LAMC3: variants seen among roughly 807,000 people sequenced by gnomAD.
LAMC3 encodes laminin subunit gamma-3.
A neutral mutation model predicts 173.8 loss-of-function variants in LAMC3; 128 were observed. The ratio of observed to expected loss-of-function variants is 0.74; its 90% CI spans 0.64 to 0.85. The LOEUF (loss-of-function observed/expected upper bound fraction) is 0.85. Ranked by LOEUF, LAMC3 falls within the 40% of genes least tolerant of loss-of-function variation. The pLI is 0.00. For synonymous variants in LAMC3, 897 were observed against 909.1 expected, an observed-to-expected ratio of 0.99 and a Z score of 0.24; for missense variants, 2,022 against 2,156.0, an observed-to-expected ratio of 0.94 and a Z score of 1.23.
intron 9 of LAMC3, among the ~76,000 whole-genome samples, chr9:131,051,983 A>G (rs1223038167): frequency 3.3e-5 from 5 of 152,310 alleles, no homozygotes; most frequent in Non-Finnish European, 7.3e-5. Context: ...TTCCGAGTTC[A>G]GGGCAAGTTC....
intron 24 of LAMC3, among the ~76,000 whole-genome samples, chr9:131,083,865 CTTTTTT>C (rs61109597): frequency 2.2e-4 from 11 of 49,258 alleles, no homozygotes; most frequent in African/African-American, 9.0e-4. Context: ...GTAATAAGTG[CTTTTTT>C]TTTTTTTTTT....
chr9:131,032,945 G>A (rs1200599444), intron 3 of LAMC3, among the ~76,000 whole-genome samples: 1 of 152,242 alleles, frequency 6.6e-6, no homozygotes, highest in African/African-American at 2.4e-5. Context: ...TGGGATTACA[G>A]GCATGAGCCA....
chr9:131,043,521 C>T (rs983117847), intron 7 of LAMC3, among the ~76,000 whole-genome samples: 12 of 152,070 alleles, frequency 7.9e-5, no homozygotes, highest in East Asian at 5.8e-4. Flanking sequence ...ACACAGGAGC[C>T]GACGTGAAAG....
chr9:131,067,200 G>C lies in LAMC3; in HGVS notation c.2588G>C (p.Cys863Ser). Reference sequence around the variant, plus strand: ...CTGGCCCCTCGACCCGCAGACAAATGCATGCGTGAGTACCTACCTCCAGAC... The same window carrying C: ...CTGGCCCCTCGACCCGCAGACAAATCCATGCGTGAGTACCTACCTCCAGAC... ...SALAPRPADK[C>S]MPCSCHPQGS... Residue 863 changes from cysteine to serine, a missense_variant, in exon 14 of 28, where the codon TGC (cysteine) becomes TCC (serine). By Grantham distance (112) the Cys-to-Ser change is moderately radical (BLOSUM62 -1). Coordinates refer to ENST00000361069, the MANE Select transcript of LAMC3 (RefSeq NM_006059.4). 6.2e-7 allele frequency: 1 copy of C among 1,613,166 alleles called. No homozygotes were observed.
intron 25 of LAMC3, 132 bp from the exon 26 acceptor site, chr9:131,087,344 T>C (rs1041337717): frequency 1.7e-6 from 2 of 1,157,872 alleles, no homozygotes; most frequent in Non-Finnish European, 2.6e-6. Context: ...ACATATTTGT[T>C]GCGTGCATGA....
chr9:131,074,611 G>A (rs529040028), intron 20 of LAMC3, among the ~76,000 whole-genome samples: 79 of 150,774 alleles, frequency 5.2e-4, no homozygotes, highest in African/African-American at 1.5e-3. Context: ...CAGGAGAATC[G>A]CTTGAACCTG....
chr9:131,048,620 C>T (rs192494364), intron 8 of LAMC3, among the ~76,000 whole-genome samples: 235 of 152,248 alleles, frequency 1.5e-3, no homozygotes, highest in African/African-American at 5.0e-3. Flanking sequence ...CCTGGGCTCC[C>T]GTCGTGGCTG....
chr9:131,082,194 A>G (rs2133344560), intron 24 of LAMC3, 33 bp downstream of exon 24: 6 of 1,512,848 alleles, frequency 4.0e-6, no homozygotes, highest in Non-Finnish European at 5.5e-6. Flanking sequence ...TAGGCTGTGT[A>G]ATGACGAACG....
At chr9:131,082,803 ACT>A (rs1276125834) in intron 24 of LAMC3, among the ~76,000 whole-genome samples, 1 of 152,084 alleles carries the variant, frequency 6.6e-6, no homozygotes. Flanking sequence ...GCAGGAACAC[ACT>A]CTGAACCCCA....
chr9:131,060,973 C>G (rs575688911), intron 12 of LAMC3, 62 bp from the exon 13 acceptor site: 1 of 1,560,004 alleles, frequency 6.4e-7, no homozygotes, highest in Non-Finnish European at 8.8e-7. Flanking sequence ...CCTCTCCCAC[C>G]GGGATGCCCA....
intron 2 of LAMC3, among the ~76,000 whole-genome samples, chr9:131,030,824 C>T (rs778861495): frequency 3.3e-5 from 5 of 152,210 alleles, no homozygotes; most frequent in African/African-American, 1.2e-4. Flanking sequence ...GTCCAGTAGC[C>T]GGCCCAGCAG....
In LAMC3 at chr9:131,026,172, T is replaced by C; in HGVS notation, c.374-113T>C. On this transcript the variant is annotated intron_variant, in intron 1 of 27. Coordinates refer to ENST00000361069, the MANE Select transcript of LAMC3 (RefSeq NM_006059.4). This position sits in a 1 kb window ranked among gnomAD's most constrained non-coding sequence, Gnocchi z 4.8. The stretch of plus-strand genomic sequence containing the variant: ...TCCCCTGTCCAGAGCTCCAGACAGC[T>C]TCCAGCGATCCATCCACGCTAGTGC... 6.4e-7 allele frequency: 1 copy of C among 1,553,050 alleles called. No individual in the cohort carries two copies. Among genetic ancestry groups the C allele is most frequent in the Non-Finnish European group, 8.7e-7 (1 of 1,149,094 alleles).
intron 13 of LAMC3, among the ~76,000 whole-genome samples, chr9:131,065,798 G>A (rs569004804): frequency 6.6e-6 from 1 of 152,296 alleles, no homozygotes; most frequent in South Asian, 2.1e-4. Context: ...TGGTCAAGAT[G>A]ACAATGGTGA....
intron 1 of LAMC3, among the ~76,000 whole-genome samples, chr9:131,016,989 A>C (rs1415497681): frequency 6.6e-6 from 1 of 152,172 alleles, no homozygotes; most frequent in Admixed American, 6.5e-5. Context: ...GATGTTTTTC[A>C]AAGTTCTGGT....
In LAMC3 at chr9:131,072,631, G is replaced by T; in HGVS notation, c.3213G>T (p.Gly1071=). 6.2e-7 allele frequency: 1 copy of T among 1,608,342 alleles called. No homozygotes were observed. The highest frequency in any genetic ancestry group is 8.5e-7 in the Non-Finnish European group (1 of 1,178,662). ...DVYQGHHLLP[G]AREAFLEQMM... ...CCCTGGGCTGTGGGCTTCCCATAGG[G>T]GCTCGGGAAGCCTTCCTGGAGCAGA... The change falls in exon 19 of 28, where the codon GGG becomes GGT. Residue 1071 remains glycine (G), a splice_region_variant and synonymous_variant. Transcript: ENST00000361069.
chr9:131,063,514 A>G (rs1829871156), intron 13 of LAMC3, among the ~76,000 whole-genome samples: 1 of 152,178 alleles, frequency 6.6e-6, no homozygotes, highest in African/African-American at 2.4e-5. Context: ...TGCCCTTCTT[A>G]TCCACACCAG....
intron 22 of LAMC3, 99 bp from the exon 23 acceptor site, chr9:131,079,050 A>C (rs1588167911): frequency 6.8e-7 from 1 of 1,470,408 alleles, no homozygotes; most frequent in Non-Finnish European, 9.3e-7. Flanking sequence ...CCAGGGGCAG[A>C]CCCGCCGCCT....
chr9:131,091,470 G>A, intron 27 of LAMC3, 67 bp from the exon 28 acceptor site: 1 of 1,547,194 alleles, frequency 6.5e-7, no homozygotes, highest in Admixed American at 2.0e-5. Context: ...AGGCTCAGGG[G>A]CTGGGAGGTG....
intron 21 of LAMC3, among the ~76,000 whole-genome samples, chr9:131,076,881 A>G (rs1830137943): frequency 1.3e-5 from 2 of 152,228 alleles, no homozygotes; most frequent in Admixed American, 1.3e-4. Flanking sequence ...CCATTCACCC[A>G]GAAGAGCCAA....
Sources: allele counts gnomAD v4.1 joint callset (sites outside exome capture counted in the v4.1 genomes callset), GRCh38; gene constraint gnomAD v4.1.1; non-coding constraint Gnocchi (gnomAD v3.1); transcripts MANE v1.5; gene names NCBI Gene and HGNC (gene_info 2026-07-23, HGNC 2026-07-21).